RIT2: variants seen among roughly 807,000 people sequenced by gnomAD.
RIT2 encodes Ras like without CAAX 2.
In RIT2, 24 loss-of-function variants were observed where a neutral mutation model predicts 23.7. The ratio of observed to expected loss-of-function variants is 1.01; its 90% CI spans 0.73 to 1.43. RIT2 has a LOEUF of 1.43. RIT2 is among the 40% of genes most tolerant of loss of function. The probability of loss-of-function intolerance (pLI) is 0.00; values close to 1 mark genes in which losing one functional copy is unlikely to be tolerated. For synonymous variants in RIT2, 107 were observed against 91.1 expected (o/e 1.17, Z -0.99); for missense variants, 236 against 266.9 (o/e 0.88, Z 0.81).
chr18:42,744,318 A>C (rs1025675649), intron 4 of RIT2, among the ~76,000 whole-genome samples: 2 of 152,212 alleles, frequency 1.3e-5, no homozygotes, highest in Non-Finnish European at 2.9e-5. Flanking sequence ...GACCTCAGTC[A>C]CATTTAAAAA....
chr18:42,963,068 T>C (rs1910129138), intron 3 of RIT2, among the ~76,000 whole-genome samples: 1 of 152,190 alleles, frequency 6.6e-6, no homozygotes, highest in South Asian at 2.1e-4. Flanking sequence ...GTTCCTTGAA[T>C]AGGAGCATTT....
At chr18:42,871,243 A>T (rs1290626476) in intron 4 of RIT2, among the ~76,000 whole-genome samples, 1 of 152,154 alleles carries the variant, frequency 6.6e-6, no homozygotes, top group African/African-American at 2.4e-5. Flanking sequence ...ATTTTCTAAT[A>T]TTTCTTTGTC....
chr18:42,746,454 C>G (rs1021715926), intron 4 of RIT2, among the ~76,000 whole-genome samples: 2 of 151,824 alleles, frequency 1.3e-5, no homozygotes, highest in African/African-American at 4.8e-5. Flanking sequence ...AAGAAAGCTG[C>G]TATAGTTTAA....
chr18:42,893,221 G>A (rs1042051506), intron 4 of RIT2, among the ~76,000 whole-genome samples: 8 of 38,028 alleles, frequency 2.1e-4, no homozygotes, highest in Non-Finnish European at 2.7e-4. Context: ...GCGAGACTCC[G>A]TCTCAAAAAA....
At chr18:43,083,480 T>C (rs1439763934) in intron 1 of RIT2, among the ~76,000 whole-genome samples, 1 of 152,086 alleles carries the variant, frequency 6.6e-6, no homozygotes, top group Non-Finnish European at 1.5e-5. Context: ...CTTCAAACTA[T>C]ACTAAAAGGC....
At chr18:43,108,441 G>T (rs1008212135) in intron 1 of RIT2, among the ~76,000 whole-genome samples, 1 of 151,928 alleles carries the variant, frequency 6.6e-6, no homozygotes, top group African/African-American at 2.4e-5. Context: ...AGGGTGAGGG[G>T]TATAGTAAGG....
At chr18:42,950,747 A>G (rs1038170431) in intron 3 of RIT2, among the ~76,000 whole-genome samples, 1 of 151,954 alleles carries the variant, frequency 6.6e-6, no homozygotes, top group Non-Finnish European at 1.5e-5. Flanking sequence ...AGACATGAAC[A>G]GACATTTAAA....
At chr18:42,877,284 A>AT (rs1444511428) in intron 4 of RIT2, among the ~76,000 whole-genome samples, 1 of 151,654 alleles carries the variant, frequency 6.6e-6, no homozygotes, top group Admixed American at 6.6e-5. Flanking sequence ...TTCCTGCTCT[A>AT]TTTTTGACCT....
chr18:42,848,332 A>T (rs911552689), intron 4 of RIT2, among the ~76,000 whole-genome samples: 3 of 152,176 alleles, frequency 2.0e-5, no homozygotes, highest in African/African-American at 7.2e-5. Flanking sequence ...AAAGGACTAT[A>T]GCAGTATAAC....
At chr18:42,905,780 T>C (rs1908597299) in intron 4 of RIT2, among the ~76,000 whole-genome samples, 1 of 151,504 alleles carries the variant, frequency 6.6e-6, no homozygotes. Flanking sequence ...GCCAAACACA[T>C]GTATTTTTGA....
intron 4 of RIT2, among the ~76,000 whole-genome samples, chr18:42,917,246 G>C (rs1011879577): frequency 6.6e-6 from 1 of 151,986 alleles, no homozygotes; most frequent in Non-Finnish European, 1.5e-5. Context: ...TTCAAACCCA[G>C]GACTATCTGA....
chr18:43,006,038 A>G (rs1911220112), intron 2 of RIT2, among the ~76,000 whole-genome samples: 1 of 151,688 alleles, frequency 6.6e-6, no homozygotes, highest in Non-Finnish European at 1.5e-5. Flanking sequence ...CGCTGAGAAT[A>G]AACTTTTGGA....
At chr18:42,956,994 G>A (rs1464373111) in intron 3 of RIT2, among the ~76,000 whole-genome samples, 2 of 152,120 alleles carry the variant, frequency 1.3e-5, no homozygotes, top group Non-Finnish European at 2.9e-5. Flanking sequence ...GGCAAAGACT[G>A]TTTGGTGTCT....
chr18:42,904,505 T>C (rs1238160645), intron 4 of RIT2, among the ~76,000 whole-genome samples: 1 of 152,140 alleles, frequency 6.6e-6, no homozygotes, highest in Non-Finnish European at 1.5e-5. Context: ...GCCTGAGGTC[T>C]GGGAGGTAAC....
At chr18:43,003,953 AC>A (rs1295336697) in intron 2 of RIT2, among the ~76,000 whole-genome samples, 7 of 150,320 alleles carry the variant, frequency 4.7e-5, no homozygotes, top group Admixed American at 3.3e-4. Context: ...TTCTGTGGCA[AC>A]AGGTTCATTC....
intron 4 of RIT2, among the ~76,000 whole-genome samples, chr18:42,854,528 GCCCC>G (rs1907134824): frequency 6.6e-6 from 1 of 152,050 alleles, no homozygotes; most frequent in Admixed American, 6.5e-5. Flanking sequence ...CATTAATTGA[GCCCC>G]TACCTTTCTT....
intron 1 of RIT2, among the ~76,000 whole-genome samples, chr18:43,091,630 A>G (rs1418160303): frequency 1.3e-5 from 2 of 151,978 alleles, no homozygotes; most frequent in African/African-American, 4.8e-5. Flanking sequence ...AGATTCCTTC[A>G]CTTTAAACTG....
chr18:43,008,577 A>G (rs890716936), intron 2 of RIT2, among the ~76,000 whole-genome samples: 2 of 151,412 alleles, frequency 1.3e-5, no homozygotes, highest in African/African-American at 4.8e-5. Context: ...TTCAATAAAC[A>G]GCAATAAAAA....
intron 1 of RIT2, among the ~76,000 whole-genome samples, chr18:43,096,132 A>G (rs1004655375): frequency 4.6e-5 from 7 of 151,976 alleles, no homozygotes; most frequent in Non-Finnish European, 1.0e-4. Context: ...AGGAGTGAAT[A>G]TAAATCCCAA....
Sources: gnomAD v4.1 joint callset for allele counts (sites outside exome capture counted in the v4.1 genomes callset) on GRCh38, gnomAD v4.1.1 for gene constraint, MANE v1.5 for transcripts, NCBI Gene and HGNC (gene_info 2026-07-23, HGNC 2026-07-21) for gene names.